The following ST18 variants were observed in gnomAD, a reference collection of about 807,000 sequenced individuals.
ST18 encodes the protein suppression of tumorigenicity 18 protein.
In ST18, 50 loss-of-function variants were observed where a neutral mutation model predicts 110.0. That is an observed-to-expected ratio of 0.45 (90% CI 0.36 to 0.58). The LOEUF (loss-of-function observed/expected upper bound fraction) is 0.58, where lower values mean the gene tolerates loss of function less well. Among genes scored for constraint, ST18 ranks in the 20% least tolerant of loss-of-function variants. The pLI is 0.00. For synonymous variants in ST18, 461 were observed against 452.4 expected (o/e 1.02, Z -0.24); for missense variants, 1,306 against 1,280.1 (o/e 1.02, Z -0.31).
intron 2 of ST18, among the ~76,000 whole-genome samples, chr8:52,328,691 T>G (rs1371769550): frequency 6.6e-6 from 1 of 152,220 alleles, no homozygotes; most frequent in African/African-American, 2.4e-5. Context: ...TAGGACTTCA[T>G]ATATTTGTAA....
chr8:52,243,403 C>T (rs544259719), intron 2 of ST18, among the ~76,000 whole-genome samples: 2 of 152,202 alleles, frequency 1.3e-5, no homozygotes, highest in Non-Finnish European at 2.9e-5. Flanking sequence ...TGACTGGAAC[C>T]CAGGAGTACT....
At chr8:52,198,606 T>C (rs1348243787) in intron 8 of ST18, among the ~76,000 whole-genome samples, 3 of 152,206 alleles carry the variant, frequency 2.0e-5, no homozygotes, top group African/African-American at 7.2e-5. Flanking sequence ...ATGTGCATAC[T>C]GAGTTAGCAG....
chr8:52,313,787 GC>G (rs2095968973), intron 2 of ST18, among the ~76,000 whole-genome samples: 1 of 152,164 alleles, frequency 6.6e-6, no homozygotes, highest in Non-Finnish European at 1.5e-5. Flanking sequence ...GATCGTTGCT[GC>G]CCCGAGGCCT....
intron 8 of ST18, among the ~76,000 whole-genome samples, chr8:52,191,254 A>G (rs1444492089): frequency 2.6e-5 from 4 of 152,222 alleles, no homozygotes; most frequent in Non-Finnish European, 5.9e-5. Flanking sequence ...GCAGACCCAC[A>G]GGGGACTGGA....
intron 2 of ST18, among the ~76,000 whole-genome samples, chr8:52,267,113 C>T (rs1222324407): frequency 1.3e-5 from 2 of 152,060 alleles, no homozygotes; most frequent in Non-Finnish European, 2.9e-5. Flanking sequence ...CTTGGAATGA[C>T]TTCTGCGATG....
At position 52,172,281 on chromosome 8, in the gene ST18, T is replaced by C. The variant is rs746371850; in HGVS notation, c.580A>G (p.Ser194Gly). The C allele has an allele frequency of 1.9e-6, 3 of 1,614,222 alleles. No homozygotes were observed. The highest frequency in any genetic ancestry group is 3.3e-5 in the Admixed American group (2 of 60,026). The change falls in exon 10 of 26, where the codon AGT becomes GGT. Residue 194 changes from serine to glycine, a missense_variant. Ser to Gly is a moderately conservative substitution (Grantham distance 56). Transcript: ENST00000689386. The part of the protein sequence containing the change: ...PPFCSSDDNE[S>G]NSESAENGWD... The stretch of plus-strand genomic sequence containing the variant: ...CCATTTTCTGCACTTTCAGAGTTAC[T>C]TTCATTGTCATCAGAGGAGCAGAAG...
chr8:52,392,670 G>T (rs896873226), intron 2 of ST18, among the ~76,000 whole-genome samples: 2 of 152,248 alleles, frequency 1.3e-5, no homozygotes, highest in Non-Finnish European at 2.9e-5. Flanking sequence ...ACTCCACAGA[G>T]TGGTGGCAGC....
At position 52,252,111 on chromosome 8, in the gene ST18, C is replaced by T. The variant is rs1187085054; in HGVS notation, c.-464-22034G>A. On this transcript the variant is annotated intron_variant, in intron 2 of 25. Transcript: ENST00000689386. The stretch of plus-strand genomic sequence containing the variant: ...ACCTAAAGAGTTATATATTTAATAG[C>T]TATAAATTTTGTTTATTTATGCATA... Among the ~76,000 whole-genome samples, 4 of 152,000 alleles carry T rather than the reference C, an allele frequency of 2.6e-5. No individual in the cohort carries two copies. In the East Asian group the frequency reaches 7.7e-4, roughly 29 times the overall value.
intron 2 of ST18, among the ~76,000 whole-genome samples, chr8:52,333,507 G>A (rs1447763186): frequency 1.3e-5 from 2 of 152,126 alleles, no homozygotes; most frequent in Non-Finnish European, 2.9e-5. Flanking sequence ...TGAAGAAGAA[G>A]AAAGAACTCT....
Position 52,366,135 on chromosome 8 carries a change from G to A in ST18, c.-465+43193C>T, listed in dbSNP as rs574713688. Among the ~76,000 whole-genome samples the A allele has an allele frequency of 1.1e-4, 16 of 152,176 alleles. No individual in the cohort carries two copies. The East Asian group carries it at 2.9e-3, about 28-fold the overall frequency. On this transcript the variant is annotated intron_variant, in intron 2 of 25. Coordinates refer to ENST00000689386, the MANE Select transcript of ST18 (RefSeq NM_001352837.2). The stretch of plus-strand genomic sequence containing the variant: ...CTGTGAGGGGGAGGAGGTAGGACTT[G>A]AACCCAGGAACGCAGTCTCAGGACC...
intron 23 of ST18, among the ~76,000 whole-genome samples, chr8:52,123,131 T>C (rs2045642103): frequency 6.6e-6 from 1 of 152,308 alleles, no homozygotes; most frequent in East Asian, 1.9e-4. Flanking sequence ...GCAATTTAAT[T>C]ATGGCAAGGA....
chr8:52,293,024 G>C (rs4873637), intron 2 of ST18, among the ~76,000 whole-genome samples: 1 of 152,316 alleles, frequency 6.6e-6, no homozygotes, highest in African/African-American at 2.4e-5. Context: ...TTAATCGATC[G>C]TGAGAATTAT....
intron 8 of ST18, among the ~76,000 whole-genome samples, chr8:52,205,674 TCTC>T (rs1588430879): frequency 6.6e-6 from 1 of 152,128 alleles, no homozygotes; most frequent in African/African-American, 2.4e-5. Context: ...TTCAAGCAAT[TCTC>T]CTGCTTCAGC....
chr8:52,179,224 C>A (rs954445675), intron 9 of ST18, among the ~76,000 whole-genome samples: 1 of 152,116 alleles, frequency 6.6e-6, no homozygotes, highest in Non-Finnish European at 1.5e-5. Flanking sequence ...TCGCCTTATG[C>A]ACAAAGTGAT....
At chr8:52,260,003 A>G (rs1313594365) in intron 2 of ST18, among the ~76,000 whole-genome samples, 1 of 152,234 alleles carries the variant, frequency 6.6e-6, no homozygotes, top group Non-Finnish European at 1.5e-5. Context: ...AGCTGTTATC[A>G]TCTAACATAG....
chr8:52,311,317 G>A (rs555616826), intron 2 of ST18, among the ~76,000 whole-genome samples: 25 of 152,178 alleles, frequency 1.6e-4, no homozygotes, highest in Non-Finnish European at 2.6e-4. Context: ...AAGCCTTTAC[G>A]GCTTTAATGT....
chr8:52,268,496 TATCTATCTATC>T (rs1371679641), intron 2 of ST18, among the ~76,000 whole-genome samples: 7 of 151,040 alleles, frequency 4.6e-5, no homozygotes, highest in African/African-American at 1.7e-4. Flanking sequence ...TCTATCTATC[TATCTATCTATC>T]TATTTATCTA....
chr8:52,263,725 G>GT (rs113493798), intron 2 of ST18, among the ~76,000 whole-genome samples: 7,995 of 145,030 alleles, frequency 0.055, 785 homozygotes, highest in African/African-American at 0.2. Flanking sequence ...GATTACAGGT[G>GT]TGAGTCACAG....
intron 2 of ST18, among the ~76,000 whole-genome samples, chr8:52,272,828 T>C (rs1479873575): frequency 6.6e-6 from 1 of 152,198 alleles, no homozygotes; most frequent in Non-Finnish European, 1.5e-5. Flanking sequence ...TGACAAACAC[T>C]GCATTCCACT....
Sources: allele counts gnomAD v4.1 joint callset (sites outside exome capture counted in the v4.1 genomes callset), GRCh38; gene constraint gnomAD v4.1.1; transcripts MANE v1.5; gene names NCBI Gene and HGNC (gene_info 2026-07-23, HGNC 2026-07-21).